The following P3H2 variants were observed in gnomAD, a reference collection of about 807,000 sequenced individuals.
P3H2 encodes the protein prolyl 3-hydroxylase 2.
In P3H2, 80 loss-of-function variants were observed where a neutral mutation model predicts 87.0. That is an observed-to-expected ratio of 0.92 (90% CI 0.77 to 1.11). P3H2 has a LOEUF of 1.11. Ranked by LOEUF, P3H2 falls within the 50% of genes least tolerant of loss-of-function variation. The probability of loss-of-function intolerance (pLI) is 0.00; values close to 1 mark genes in which losing one functional copy is unlikely to be tolerated. For synonymous variants in P3H2, 367 were observed against 359.3 expected, an observed-to-expected ratio of 1.02 and a Z score of -0.24; for missense variants, 1,001 against 923.9, an observed-to-expected ratio of 1.08 and a Z score of -1.08.
At chr3:190,053,209 AG>A (rs1726039064) in intron 1 of P3H2, among the ~76,000 whole-genome samples, 1 of 152,156 alleles carries the variant, frequency 6.6e-6, no homozygotes, top group Admixed American at 6.5e-5. Context: ...AAAAACATTC[AG>A]ATACAAGTCT....
At chr3:190,024,388 C>T (rs1263494255) in intron 1 of P3H2, among the ~76,000 whole-genome samples, 2 of 151,420 alleles carry the variant, frequency 1.3e-5, no homozygotes, top group African/African-American at 4.8e-5. Context: ...AGTAAAAATA[C>T]AAAAATTAGC....
chr3:190,119,951 AGCTTTGTCAAT>A (rs1712470391), intron 1 of P3H2, among the ~76,000 whole-genome samples: 1 of 151,968 alleles, frequency 6.6e-6, no homozygotes, highest in Non-Finnish European at 1.5e-5. Context: ...TACTAGATTC[AGCTTTGTCAAT>A]GCCTCATGAA....
chr3:190,007,802 C>A (rs1044635042), intron 1 of P3H2, among the ~76,000 whole-genome samples: 6 of 115,936 alleles, frequency 5.2e-5, no homozygotes, highest in African/African-American at 1.7e-4. Flanking sequence ...TAGGATACAG[C>A]GTTCAGATTT....
chr3:189,995,464 CA>C, intron 1 of P3H2, 22 bp from the exon 2 acceptor site: 1 of 1,609,116 alleles, frequency 6.2e-7, no homozygotes, highest in Admixed American at 1.7e-5. Context: ...AAAAAATGAC[CA>C]AAATGAAGGC....
intron 1 of P3H2, among the ~76,000 whole-genome samples, chr3:190,003,750 C>T (rs1227120714): frequency 6.6e-6 from 1 of 152,148 alleles, no homozygotes; most frequent in Non-Finnish European, 1.5e-5. Context: ...GTTCTAAATG[C>T]TAGGACAGGG....
At chr3:190,087,935 T>C (rs1408110414) in intron 1 of P3H2, among the ~76,000 whole-genome samples, 3 of 152,212 alleles carry the variant, frequency 2.0e-5, no homozygotes, top group Admixed American at 1.3e-4. Context: ...AATAAAGGAA[T>C]TGGTCCAAGT....
At chr3:190,039,851 A>C (rs1725554117) in intron 1 of P3H2, among the ~76,000 whole-genome samples, 1 of 152,190 alleles carries the variant, frequency 6.6e-6, no homozygotes, top group Non-Finnish European at 1.5e-5. Context: ...GTGAGCCTAG[A>C]ACACTCTGTA....
intron 4 of P3H2, among the ~76,000 whole-genome samples, chr3:189,988,189 T>C (rs1266688956): frequency 6.6e-6 from 1 of 152,204 alleles, no homozygotes; most frequent in African/African-American, 2.4e-5. Flanking sequence ...CCTTAAATCC[T>C]TCACTATACA....
At chr3:190,111,551 AG>A in intron 1 of P3H2, among the ~76,000 whole-genome samples, 1 of 152,290 alleles carries the variant, frequency 6.6e-6, no homozygotes, top group South Asian at 2.1e-4. Context: ...AAAAAAAATC[AG>A]TCAAAGGGGC....
At chr3:189,991,710 A>G (rs1042490252) in intron 3 of P3H2, among the ~76,000 whole-genome samples, 1 of 152,234 alleles carries the variant, frequency 6.6e-6, no homozygotes, top group Non-Finnish European at 1.5e-5. Flanking sequence ...TGAGAGGGAG[A>G]GAGAGAATGA....
rs1187875003 is a variant in P3H2 at position 190,120,467 on chromosome 3, C to T, written c.265G>A (p.Ala89Thr). 5 of 1,432,876 alleles carry T rather than the reference C, an allele frequency of 3.5e-6. No homozygotes were observed. The highest frequency in any genetic ancestry group is 2.9e-5 in the Admixed American group (1 of 34,434). 88.8% of individuals were successfully genotyped at this position (1,432,876 alleles called of 1,614,324 possible). A position where few individuals can be genotyped will look rare whatever the true frequency, so the allele number is the denominator to read the frequency against. ...EIRTRCARHCAARHPLPPPPP... is the reference protein window; with the variant it reads ...EIRTRCARHCTARHPLPPPPP... ...GGGGGCGGGAGCGGGTGGCGCGCCG[C>T]GCAGTGGCGGGCACAGCGCGTGCGG... The change falls in exon 1 of 15, where the codon GCG (alanine) becomes ACG (threonine). Residue 89 changes from alanine (A) to threonine (T), a missense_variant. Coordinates refer to ENST00000319332, the MANE Select transcript of P3H2 (RefSeq NM_018192.4).
intron 1 of P3H2, among the ~76,000 whole-genome samples, chr3:190,113,835 T>C (rs1712165407): frequency 6.6e-6 from 1 of 152,074 alleles, no homozygotes; most frequent in Non-Finnish European, 1.5e-5. Flanking sequence ...CCCAGCACTT[T>C]GGGAGGCCGA....
At chr3:190,095,813 A>G (rs907685842) in intron 1 of P3H2, among the ~76,000 whole-genome samples, 2 of 152,100 alleles carry the variant, frequency 1.3e-5, no homozygotes, top group African/African-American at 4.8e-5. Flanking sequence ...CATGTTAGCC[A>G]GGATGGTCTC....
upstream of P3H2, among the ~76,000 whole-genome samples, chr3:190,121,376 A>T (rs529021216): frequency 6.6e-6 from 1 of 152,200 alleles, no homozygotes; most frequent in East Asian, 1.9e-4. Flanking sequence ...TAAATAGAAA[A>T]AAAACCCATA....
chr3:189,964,230 A>T lies in P3H2; in HGVS notation c.1894-132T>A, dbSNP rs974252372. On this transcript the variant is annotated intron_variant, in intron 13 of 14. Transcript: ENST00000319332. ...GAATAAAGGAATCCTGGGATTGAAG[A>T]TGATGTAAATTATCTCAATTTTCTC... is the stretch of plus-strand genomic sequence containing the variant. 6.0e-6 allele frequency: 5 copies of T among 833,074 alleles called. No individual in the cohort carries two copies. In the Admixed American group the frequency reaches 1.0e-4, roughly 17 times the overall value. The allele number at this position is 833,074 out of a possible 1,614,324, so 51.6% of individuals were successfully genotyped here.
chr3:189,974,489 A>G, intron 9 of P3H2, 69 bp downstream of exon 9: 1 of 1,601,524 alleles, frequency 6.2e-7, no homozygotes, highest in Admixed American at 1.7e-5. Flanking sequence ...AGATGAGACC[A>G]GGACCAAAGC....
Position 190,085,380 on chromosome 3 carries a change from A to ATG in P3H2, c.480+34871_480+34872insCA, listed in dbSNP as rs1727178579. 1.3e-5 allele frequency among the ~76,000 whole-genome samples: 2 copies of ATG among 152,212 alleles called. 1 individual carries two copies. The highest frequency in any genetic ancestry group is 4.1e-4 in the South Asian group (2 of 4,830). ...TCAAAGGTAGCTTACCCCTAATTAA[A>ATG]AGTCTCTGGATACATGTGATTAAAT... On this transcript the variant is annotated intron_variant, in intron 1 of 14. Transcript: ENST00000319332.
At chr3:190,068,679 G>C (rs1726594733) in intron 1 of P3H2, among the ~76,000 whole-genome samples, 1 of 152,194 alleles carries the variant, frequency 6.6e-6, no homozygotes, top group East Asian at 1.9e-4. Context: ...CGAGTAGACA[G>C]AGCTGTTTCC....
chr3:190,016,023 G>A (rs1724742796), intron 1 of P3H2, among the ~76,000 whole-genome samples: 1 of 152,122 alleles, frequency 6.6e-6, no homozygotes, highest in Admixed American at 6.5e-5. Flanking sequence ...AGGCATGAGG[G>A]TAGACCTCTA....
Sources: allele counts gnomAD v4.1 joint callset (sites outside exome capture counted in the v4.1 genomes callset), GRCh38; gene constraint gnomAD v4.1.1; transcripts MANE v1.5; gene names NCBI Gene and HGNC (gene_info 2026-07-23, HGNC 2026-07-21).